The following RSPH9 variants were observed in gnomAD, a reference collection of about 807,000 sequenced individuals.
RSPH9 encodes the protein radial spoke head component 9.
A neutral mutation model predicts 27.0 loss-of-function variants in RSPH9; 27 were observed. The ratio of observed to expected loss-of-function variants is 1.00; its 90% CI spans 0.74 to 1.38. RSPH9 has a LOEUF of 1.38. RSPH9 is among the 40% of genes most tolerant of loss of function. RSPH9 has a pLI of 0.00. For synonymous variants in RSPH9, 145 were observed against 147.7 expected (o/e 0.98, Z 0.13); for missense variants, 347 against 357.4 (o/e 0.97, Z 0.24).
chr6:43,670,682 C>G, intron 4 of RSPH9, 107 bp from the exon 5 acceptor site: 1 of 881,488 alleles, frequency 1.1e-6, no homozygotes, highest in African/African-American at 1.7e-5. Flanking sequence ...CCCAGTGGAA[C>G]CATAGCACCT....
chr6:43,645,994 A>G (rs1400359202), intron 1 of RSPH9, among the ~76,000 whole-genome samples: 1 of 152,064 alleles, frequency 6.6e-6, no homozygotes, highest in African/African-American at 2.4e-5. Context: ...TTGCTCTGTC[A>G]CCCAGGCTGG....
chr6:43,659,688 C>G (rs564236553), intron 4 of RSPH9, among the ~76,000 whole-genome samples: 3 of 149,854 alleles, frequency 2.0e-5, no homozygotes, highest in Admixed American at 2.0e-4. Context: ...GGCCCATGTT[C>G]GGCTAATTTT....
chr6:43,656,502 G>T lies in RSPH9; in HGVS notation c.524-75G>T, dbSNP rs900758187. 3 of 1,536,080 alleles carry T rather than the reference G, an allele frequency of 2.0e-6. No individual in the cohort carries two copies. In the African/African-American group the frequency reaches 4.1e-5, roughly 21 times the overall value. On this transcript the variant is annotated intron_variant, in intron 3 of 4. Transcript: ENST00000372163. ...GGTCTTTTGTAAGCCCTACCATGTG[G>T]TCCCAGTGCAGACAGAAAGGGGGCT...
At chr6:43,668,100 G>C (rs551847251) in intron 4 of RSPH9, among the ~76,000 whole-genome samples, 85 of 152,260 alleles carry the variant, frequency 5.6e-4, no homozygotes, top group African/African-American at 1.9e-3. Context: ...GGGGGCAGGA[G>C]GGATTTGGGG....
At chr6:43,657,510 T>A (rs1289746089) in intron 4 of RSPH9, among the ~76,000 whole-genome samples, 1 of 152,180 alleles carries the variant, frequency 6.6e-6, no homozygotes, top group Non-Finnish European at 1.5e-5. Context: ...GTTAAAGTGT[T>A]AGACTCCACA....
chr6:43,672,072 C>A lies in RSPH9; in HGVS notation c.*1123C>A. The A allele has an allele frequency of 2.4e-6, 2 of 829,626 alleles. No homozygotes were observed. The highest frequency in any genetic ancestry group is 3.7e-6 in the Non-Finnish European group (2 of 545,512). 51.4% of individuals were successfully genotyped at this position (829,626 alleles called of 1,614,324 possible). A position where few individuals can be genotyped will look rare whatever the true frequency, so the allele number is the denominator to read the frequency against. On this transcript the variant is annotated 3_prime_UTR_variant, in exon 5 of 5. Transcript: ENST00000372163. ...GATTTTCCTGGGAGTAACTGCTGAG[C>A]GTCCTGTAAACAGATGGGCTGGGCT... is the stretch of plus-strand genomic sequence containing the variant.
rs1773688553 is a variant in RSPH9, at chr6:43,671,399, G to A, written c.*450G>A. On this transcript the variant is annotated 3_prime_UTR_variant, in exon 5 of 5. Coordinates refer to ENST00000372163, the MANE Select transcript of RSPH9 (RefSeq NM_152732.5). ...TGACTCAATGCTCAGCACCCAGCTGGCAATGTGCCCAGGACCCCCTGCACT... is the reference window on the plus strand; with the variant it reads ...TGACTCAATGCTCAGCACCCAGCTGACAATGTGCCCAGGACCCCCTGCACT... The A allele has an allele frequency of 5.0e-6, 2 of 400,484 alleles. No individual in the cohort carries two copies. Among genetic ancestry groups the A allele is most frequent in the Non-Finnish European group, 4.6e-6 (1 of 217,766 alleles). 24.8% of individuals were successfully genotyped at this position (400,484 alleles called of 1,614,324 possible). A position where few individuals can be genotyped will look rare whatever the true frequency, so the allele number is the denominator to read the frequency against.
chr6:43,667,153 A>C (rs1364464061), intron 4 of RSPH9, among the ~76,000 whole-genome samples: 1 of 152,222 alleles, frequency 6.6e-6, no homozygotes, highest in African/African-American at 2.4e-5. Flanking sequence ...ATGCCCTTGG[A>C]ATAAGAAAAA....
chr6:43,657,683 G>A (rs1472235440), intron 4 of RSPH9, among the ~76,000 whole-genome samples: 1 of 152,198 alleles, frequency 6.6e-6, no homozygotes, highest in Non-Finnish European at 1.5e-5. Context: ...CAAGGGCTGT[G>A]GAATCAGACA....
At chr6:43,650,638 G>A in intron 2 of RSPH9, 98 bp downstream of exon 2, 1 of 1,315,228 alleles carries the variant, frequency 7.6e-7, no homozygotes. Context: ...TGGGCACGGT[G>A]GCTCACGCCT....
At position 43,671,894 on chromosome 6, in the gene RSPH9, G is replaced by C. The variant is rs763372831; in HGVS notation, c.*945G>C. On this transcript the variant is annotated 3_prime_UTR_variant, in exon 5 of 5. Coordinates refer to ENST00000372163, the MANE Select transcript of RSPH9 (RefSeq NM_152732.5). The stretch of plus-strand genomic sequence containing the variant: ...TGGGCTTGACGGAGCCAGGAGCCCA[G>C]CGCGTCAGGTACCTGTGGAGGGAGA... 6.2e-7 allele frequency: 1 copy of C among 1,610,160 alleles called. No individual in the cohort carries two copies. Among genetic ancestry groups the C allele is most frequent in the Non-Finnish European group, 8.5e-7 (1 of 1,178,120 alleles).
At chr6:43,653,175 G>A (rs181098157) in intron 2 of RSPH9, among the ~76,000 whole-genome samples, 23 of 152,188 alleles carry the variant, frequency 1.5e-4, no homozygotes, top group African/African-American at 5.1e-4. Flanking sequence ...CATATAGCTG[G>A]GCATGGTGGC....
At chr6:43,664,997 AG>A (rs1773007662) in intron 4 of RSPH9, among the ~76,000 whole-genome samples, 1 of 152,204 alleles carries the variant, frequency 6.6e-6, no homozygotes, top group Non-Finnish European at 1.5e-5. Flanking sequence ...CCCCTGATTC[AG>A]GGTGTGTCTG....
chr6:43,650,966 CTT>C (rs35382196), intron 2 of RSPH9, among the ~76,000 whole-genome samples: 1 of 142,580 alleles, frequency 7.0e-6, no homozygotes. Flanking sequence ...TCATTATTTC[CTT>C]TTTTTTTTTG....
At chr6:43,659,501 G>C (rs12201901) in intron 4 of RSPH9, among the ~76,000 whole-genome samples, 2 of 151,094 alleles carry the variant, frequency 1.3e-5, no homozygotes, top group Non-Finnish European at 2.9e-5. Flanking sequence ...TCCTGCCTCA[G>C]CCTCCTGAGT....
intron 4 of RSPH9, among the ~76,000 whole-genome samples, chr6:43,661,023 A>T (rs983264046): frequency 2.6e-5 from 4 of 152,238 alleles, no homozygotes; most frequent in Non-Finnish European, 5.9e-5. Context: ...CCATCAGAGC[A>T]CAACATTAAT....
intron 2 of RSPH9, among the ~76,000 whole-genome samples, chr6:43,653,714 C>T (rs939906994): frequency 1.6e-4 from 25 of 151,968 alleles, no homozygotes; most frequent in African/African-American, 4.3e-4. Context: ...TTTTTTGAGA[C>T]GGAGTTTTGC....
rs1286107872 is a variant in RSPH9, at chr6:43,672,515, A to T, written c.*1566A>T. On this transcript the variant is annotated 3_prime_UTR_variant, in exon 5 of 5. Coordinates refer to ENST00000372163, the MANE Select transcript of RSPH9 (RefSeq NM_152732.5). ...CCTTTGGCCTCCTTTGGGGATGGCC[A>T]GGGCCCTGATAGTTCCCAGAAAAGT... 1.1e-5 allele frequency: 5 copies of T among 455,188 alleles called. No individual in the cohort carries two copies. The highest frequency in any genetic ancestry group is 2.3e-5 in the Non-Finnish European group (5 of 217,070). The allele number at this position is 455,188 out of a possible 1,614,324, so 28.2% of individuals were successfully genotyped here. A position where few individuals can be genotyped will look rare whatever the true frequency, so the allele number is the denominator to read the frequency against.
chr6:43,671,792 G>C lies in RSPH9; in HGVS notation c.*843G>C, dbSNP rs1561948016. ...GATACAGCTTCCAAGGTGTTCTTGA[G>C]TAGCAGACATTGTCCCTCAGAAGGG... On this transcript the variant is annotated 3_prime_UTR_variant, in exon 5 of 5. Coordinates refer to ENST00000372163, the MANE Select transcript of RSPH9 (RefSeq NM_152732.5). 6.2e-7 allele frequency: 1 copy of C among 1,614,102 alleles called. No individual in the cohort carries two copies. Among genetic ancestry groups the C allele is most frequent in the Non-Finnish European group, 8.5e-7 (1 of 1,180,038 alleles).
Sources: allele counts gnomAD v4.1 joint callset (sites outside exome capture counted in the v4.1 genomes callset), GRCh38; gene constraint gnomAD v4.1.1; transcripts MANE v1.5; gene names NCBI Gene and HGNC (gene_info 2026-07-23, HGNC 2026-07-21).